CABLES1: variants seen among roughly 807,000 people sequenced by gnomAD.
CABLES1 encodes Cdk5 and Abl enzyme substrate 1, also known as CDK5 and ABL1 enzyme substrate 1.
CABLES1 carries 36 observed loss-of-function variants against 57.8 expected under a neutral mutation model. The observed-to-expected ratio is 0.62, with a 90% CI of 0.48 to 0.82. The LOEUF is 0.82. Ranked by LOEUF, CABLES1 falls within the 40% of genes least tolerant of loss-of-function variation. The pLI is 0.00. For synonymous variants in CABLES1, 374 were observed against 363.0 expected (o/e 1.03, Z -0.35); for missense variants, 767 against 836.6 (o/e 0.92, Z 1.03).
chr18:23,175,600 A>T (rs1363070441), intron 1 of CABLES1, among the ~76,000 whole-genome samples: 2 of 152,088 alleles, frequency 1.3e-5, no homozygotes, highest in Admixed American at 1.3e-4. Flanking sequence ...TGCATGCGCC[A>T]CCACACCAAG....
intron 3 of CABLES1, among the ~76,000 whole-genome samples, chr18:23,199,933 G>T (rs1598825683): frequency 6.6e-6 from 1 of 152,188 alleles, no homozygotes; most frequent in Non-Finnish European, 1.5e-5. Context: ...AGAAGGGAAA[G>T]GATGGCGAAT....
At chr18:23,244,613 C>A (rs2145106447) in intron 7 of CABLES1, among the ~76,000 whole-genome samples, 1 of 152,340 alleles carries the variant, frequency 6.6e-6, no homozygotes, top group African/African-American at 2.4e-5. Context: ...CAGCTGCTTT[C>A]CAGTGCCCAG....
chr18:23,144,198 A>G (rs1372031873), intron 1 of CABLES1, among the ~76,000 whole-genome samples: 1 of 152,154 alleles, frequency 6.6e-6, no homozygotes, highest in Non-Finnish European at 1.5e-5. Context: ...CCCTGGTCTG[A>G]CTGGAGGGCC....
intron 7 of CABLES1, among the ~76,000 whole-genome samples, chr18:23,245,019 C>T (rs1190985147): frequency 6.6e-6 from 1 of 152,226 alleles, no homozygotes; most frequent in South Asian, 2.1e-4. Flanking sequence ...AACCTGTCTG[C>T]TCTGAGACCC....
chr18:23,144,803 G>T (rs796159070), intron 1 of CABLES1, among the ~76,000 whole-genome samples: 1 of 152,154 alleles, frequency 6.6e-6, no homozygotes, highest in East Asian at 1.9e-4. Flanking sequence ...TGCTGAAATC[G>T]GTTGTGGTGG....
chr18:23,199,579 A>G (rs1179666714), intron 3 of CABLES1, among the ~76,000 whole-genome samples: 2 of 152,220 alleles, frequency 1.3e-5, no homozygotes, highest in Non-Finnish European at 2.9e-5. Flanking sequence ...GCTGAGTGAA[A>G]TGAGCCAGTC....
intron 5 of CABLES1, 41 bp downstream of exon 5, chr18:23,234,745 G>T (rs2047591116): frequency 6.5e-7 from 1 of 1,530,434 alleles, no homozygotes; most frequent in Non-Finnish European, 9.0e-7. Context: ...TGTGCTGAAG[G>T]CACAAGGGTC....
chr18:23,150,584 G>A (rs4420634), intron 1 of CABLES1, among the ~76,000 whole-genome samples: 110,250 of 151,926 alleles, frequency 0.73, 40,620 homozygotes, highest in South Asian at 0.82. Context: ...CAAGCACTGG[G>A]ATATGGGGGA....
intron 1 of CABLES1, among the ~76,000 whole-genome samples, chr18:23,159,285 T>A (rs1205318334): frequency 6.6e-6 from 1 of 152,226 alleles, no homozygotes; most frequent in Non-Finnish European, 1.5e-5. Flanking sequence ...CTTAGAATCT[T>A]CTAGGCTGGG....
chr18:23,224,630 G>C (rs2145068443), intron 4 of CABLES1, among the ~76,000 whole-genome samples: 1 of 146,622 alleles, frequency 6.8e-6, no homozygotes, highest in South Asian at 2.2e-4. Flanking sequence ...GTGCACTGGC[G>C]GGGTCTCGGC....
At position 23,237,222 on chromosome 18, in the gene CABLES1, G is replaced by A. The variant is rs763088478; in HGVS notation, c.1423G>A (p.Val475Ile). 8 of 1,612,114 alleles carry A rather than the reference G, an allele frequency of 5.0e-6. No homozygotes were observed. The highest frequency in any genetic ancestry group is 5.1e-6 in the Non-Finnish European group (6 of 1,178,134). The change falls in exon 7 of 10, where the codon GTT becomes ATT. Residue 475 changes from valine to isoleucine, a missense_variant. Physicochemically the swap from Val to Ile is conservative, Grantham distance 29 (BLOSUM62 3). This residue lies in a region of CABLES1 where 529 missense variants were observed against 622.8 expected (regional missense o/e 0.85). Transcript: ENST00000256925. ...GTGGCCTTGTGGCAAACACAAACGC[G>A]TTCTGATCTTCCCTTCCTACATGGT... ...PQWPCGKHKR[V>I]LIFPSYMTTV...
intron 1 of CABLES1, among the ~76,000 whole-genome samples, chr18:23,176,152 T>A (rs1049106897): frequency 1.2e-4 from 18 of 152,186 alleles, no homozygotes; most frequent in African/African-American, 4.1e-4. Flanking sequence ...ATTTGGGCAT[T>A]CCTTATGCCA....
chr18:23,237,943 C>T (rs1164837197), intron 7 of CABLES1, among the ~76,000 whole-genome samples: 1 of 152,024 alleles, frequency 6.6e-6, no homozygotes, highest in Non-Finnish European at 1.5e-5. Context: ...GGAGGGGGAG[C>T]TGCACTTTCA....
chr18:23,230,973 C>T (rs2047563365), intron 4 of CABLES1, among the ~76,000 whole-genome samples: 1 of 152,178 alleles, frequency 6.6e-6, no homozygotes, highest in African/African-American at 2.4e-5. Flanking sequence ...GAGCCCTGTT[C>T]TTGGGGTGCT....
chr18:23,155,809 G>A (rs1254660196), intron 1 of CABLES1: 1 of 1,597,658 alleles, frequency 6.3e-7, no homozygotes, highest in Non-Finnish European at 8.5e-7. Context: ...TCTCAACAGT[G>A]CTTGCTTAGC....
In CABLES1 at chr18:23,257,224, C is replaced by A. The variant is rs1443943669; in HGVS notation, c.1762-3C>A. The A allele has an allele frequency of 6.2e-7, 1 of 1,602,218 alleles. No individual in the cohort carries two copies. The highest frequency in any genetic ancestry group is 1.4e-5 in the African/African-American group (1 of 74,072). Reference sequence around the variant, plus strand: ...CATGCTTTTGATTTTCTTTTTGTTGCAGAAACTGGAAGAGAAGTTCCGGCT... The same window carrying A: ...CATGCTTTTGATTTTCTTTTTGTTGAAGAAACTGGAAGAGAAGTTCCGGCT... On this transcript the variant is annotated splice_polypyrimidine_tract_variant and splice_region_variant and intron_variant, in intron 9 of 9. Coordinates refer to ENST00000256925, the MANE Select transcript of CABLES1 (RefSeq NM_001100619.3).
intron 7 of CABLES1, among the ~76,000 whole-genome samples, chr18:23,239,424 G>A (rs1178998271): frequency 1.3e-5 from 2 of 152,174 alleles, no homozygotes; most frequent in Admixed American, 6.5e-5. Flanking sequence ...GGAAATCCAC[G>A]TTTCAGAATT....
intron 3 of CABLES1, among the ~76,000 whole-genome samples, chr18:23,200,267 A>ATT (rs139660615): frequency 6.8e-6 from 1 of 147,590 alleles, no homozygotes. Flanking sequence ...GAGAGGGTAG[A>ATT]TTTTTTTTTT....
intron 1 of CABLES1, among the ~76,000 whole-genome samples, chr18:23,177,832 AG>A (rs1363881773): frequency 6.6e-6 from 1 of 152,076 alleles, no homozygotes; most frequent in Non-Finnish European, 1.5e-5. Flanking sequence ...TTTGGCCTCC[AG>A]GTGTGGACAC....
Sources: allele counts gnomAD v4.1 joint callset (sites outside exome capture counted in the v4.1 genomes callset), GRCh38; gene constraint gnomAD v4.1.1; regional missense constraint gnomAD v4.1.1; transcripts MANE v1.5; gene names NCBI Gene and HGNC (gene_info 2026-07-23, HGNC 2026-07-21).